Variants in EPC2 observed in about 807,000 individuals in gnomAD.
The protein encoded by EPC2 is enhancer of polycomb homolog 2.
EPC2 carries 14 observed loss-of-function variants against 92.1 expected under a neutral mutation model. That is an observed-to-expected ratio of 0.15 (90% CI 0.10 to 0.24). The LOEUF is 0.24. Ranked by LOEUF, EPC2 falls within the 10% of genes least tolerant of loss-of-function variation. The pLI, the probability that EPC2 is intolerant of heterozygous loss-of-function variation, is 1.00. For missense variants in EPC2, 755 were observed against 971.5 expected (o/e 0.78, Z 2.96); for synonymous variants, 340 against 334.7 (o/e 1.02, Z -0.17).
In EPC2 at chr2:148,662,814, T is replaced by C. The variant is rs553381249; in HGVS notation, c.153+17644T>C. 7.9e-5 allele frequency among the ~76,000 whole-genome samples: 12 copies of C among 151,760 alleles called. No homozygotes were observed. In the South Asian group the frequency reaches 1.5e-3, roughly 18 times the overall value. The stretch of plus-strand genomic sequence containing the variant: ...CACATGTACCCTAAAACTTAAAATA[T>C]AATAATAATAAAATTTTTTTAAAAA... On this transcript the variant is annotated intron_variant, in intron 1 of 13. Transcript: ENST00000258484.
Position 148,761,944 on chromosome 2 carries a change from T to C in EPC2, c.815+14T>C. On this transcript the variant is annotated intron_variant, in intron 5 of 13. Coordinates refer to ENST00000258484, the MANE Select transcript of EPC2 (RefSeq NM_015630.4). Reference sequence around the variant, plus strand: ...TGTGGAGAAAAGGTAACATTGCTCCTGTTACAACAGTAAAATGACAACTTT... The same window carrying C: ...TGTGGAGAAAAGGTAACATTGCTCCCGTTACAACAGTAAAATGACAACTTT... The C allele has an allele frequency of 1.9e-6, 3 of 1,554,142 alleles. No homozygotes were observed. Among genetic ancestry groups the C allele is most frequent in the Non-Finnish European group, 2.6e-6 (3 of 1,160,124 alleles).
chr2:148,688,662 C>T (rs1681579530), intron 1 of EPC2, among the ~76,000 whole-genome samples: 1 of 152,198 alleles, frequency 6.6e-6, no homozygotes, highest in Non-Finnish European at 1.5e-5. Context: ...ACCTCAACAA[C>T]TTACAAAACA....
intron 2 of EPC2, among the ~76,000 whole-genome samples, chr2:148,732,493 G>C (rs1161481963): frequency 6.6e-6 from 1 of 150,506 alleles, no homozygotes; most frequent in Non-Finnish European, 1.5e-5. Context: ...CGATTCTCCT[G>C]CCTCAGCCTC....
chr2:148,678,156 G>A (rs945301933), intron 1 of EPC2, among the ~76,000 whole-genome samples: 1 of 152,066 alleles, frequency 6.6e-6, no homozygotes, highest in Non-Finnish European at 1.5e-5. Context: ...CCCCACCAGA[G>A]TAGCTAGATA....
intron 10 of EPC2, among the ~76,000 whole-genome samples, chr2:148,775,100 AAAAAG>A (rs1412600307): frequency 4.6e-5 from 7 of 151,286 alleles, no homozygotes; most frequent in African/African-American, 1.7e-4. Context: ...AAAAAAAAAA[AAAAAG>A]AAAAGAAAAA....
At chr2:148,739,959 A>G (rs917540788) in intron 2 of EPC2, among the ~76,000 whole-genome samples, 2 of 148,172 alleles carry the variant, frequency 1.3e-5, no homozygotes, top group Non-Finnish European at 3.0e-5. Context: ...TTGCTGTACT[A>G]CATCAAGAAG....
chr2:148,668,116 C>T (rs1408977858), intron 1 of EPC2, among the ~76,000 whole-genome samples: 1 of 152,182 alleles, frequency 6.6e-6, no homozygotes, highest in East Asian at 1.9e-4. Context: ...CCAGGCTGGT[C>T]TCGAACTCCT....
intron 5 of EPC2, among the ~76,000 whole-genome samples, chr2:148,762,403 G>A (rs1469829870): frequency 6.6e-6 from 1 of 151,958 alleles, no homozygotes; most frequent in Non-Finnish European, 1.5e-5. Context: ...CCTGGAGTAA[G>A]CATTCTAAAC....
intron 1 of EPC2, among the ~76,000 whole-genome samples, chr2:148,660,162 A>G (rs1174984660): frequency 1.3e-5 from 2 of 152,112 alleles, no homozygotes; most frequent in Admixed American, 6.5e-5. Flanking sequence ...TTTCTATGTA[A>G]TATATTTGTA....
chr2:148,734,675 A>T (rs1289721574), intron 2 of EPC2, among the ~76,000 whole-genome samples: 1 of 152,062 alleles, frequency 6.6e-6, no homozygotes, highest in Non-Finnish European at 1.5e-5. Flanking sequence ...GAATCTTTGG[A>T]GATAGGTGCA....
At chr2:148,726,765 G>GTTTTTTTTTTTTTTTTGTTTTTTT (rs201293391) in intron 2 of EPC2, among the ~76,000 whole-genome samples, 50 of 100,518 alleles carry the variant, frequency 5.0e-4, no homozygotes, top group East Asian at 1.9e-3. Flanking sequence ...TTTGTTTTTT[G>GTTTTTTTTTTTTTTTTGTTTTTTT]TTTTTTTTTT....
chr2:148,665,465 A>T (rs1681038838), intron 1 of EPC2, among the ~76,000 whole-genome samples: 1 of 152,198 alleles, frequency 6.6e-6, no homozygotes, highest in African/African-American at 2.4e-5. Flanking sequence ...CCGTGGTCTT[A>T]CTTAGCATTA....
chr2:148,705,711 C>T (rs1316013506), intron 2 of EPC2, among the ~76,000 whole-genome samples: 1 of 152,128 alleles, frequency 6.6e-6, no homozygotes, highest in Non-Finnish European at 1.5e-5. Flanking sequence ...AGCAAACGGT[C>T]TGGAGTGGAC....
At chr2:148,754,278 T>C (rs1260698444) in intron 4 of EPC2, 145 bp downstream of exon 4, 6 of 713,064 alleles carry the variant, frequency 8.4e-6, no homozygotes, top group Non-Finnish European at 1.4e-5. Context: ...TTTCGTCTGA[T>C]CCGTGGTCAG....
At chr2:148,749,871 T>C (rs1001493209) in intron 3 of EPC2, among the ~76,000 whole-genome samples, 3 of 152,122 alleles carry the variant, frequency 2.0e-5, no homozygotes, top group African/African-American at 4.8e-5. Context: ...ATAAAAGTAA[T>C]TTGAGTTTAT....
intron 1 of EPC2, among the ~76,000 whole-genome samples, chr2:148,673,817 C>T (rs1681203130): frequency 6.6e-6 from 1 of 152,032 alleles, no homozygotes; most frequent in African/African-American, 2.4e-5. Context: ...AACTCCTGAC[C>T]TCAAGTGATC....
chr2:148,701,299 T>C (rs1025183109), intron 2 of EPC2, among the ~76,000 whole-genome samples: 1 of 152,226 alleles, frequency 6.6e-6, no homozygotes, highest in African/African-American at 2.4e-5. Context: ...AGGATGATGT[T>C]GCATAGAAGT....
At chr2:148,699,145 T>C (rs1681822482) in intron 2 of EPC2, among the ~76,000 whole-genome samples, 1 of 152,166 alleles carries the variant, frequency 6.6e-6, no homozygotes, top group Non-Finnish European at 1.5e-5. Flanking sequence ...AAAAATAAGA[T>C]TTTAGGCTTT....
intron 2 of EPC2, 97 bp from the exon 3 acceptor site, chr2:148,743,525 G>C (rs1682922180): frequency 1.1e-6 from 1 of 935,636 alleles, no homozygotes; most frequent in South Asian, 2.0e-5. Flanking sequence ...TTTAGTCAGT[G>C]CACTGTAATT....
Sources: allele counts gnomAD v4.1 joint callset (sites outside exome capture counted in the v4.1 genomes callset), GRCh38; gene constraint gnomAD v4.1.1; transcripts MANE v1.5; gene names NCBI Gene and HGNC (gene_info 2026-07-23, HGNC 2026-07-21).